MRPS33: variants seen among roughly 807,000 people sequenced by gnomAD.
MRPS33 encodes small ribosomal subunit protein mS33.
Under a neutral mutation model 11.2 loss-of-function variants are expected in MRPS33, and 11 were observed. That is an observed-to-expected ratio of 0.99 (90% CI 0.62 to 1.63). The LOEUF is 1.63. Among genes scored for constraint, MRPS33 ranks in the 40% most tolerant of loss-of-function variants. MRPS33 has a pLI of 0.00. For synonymous variants in MRPS33, 46 were observed against 44.0 expected, an observed-to-expected ratio of 1.05 and a Z score of -0.18; for missense variants, 109 against 127.8, an observed-to-expected ratio of 0.85 and a Z score of 0.71.
Position 141,003,284 on chromosome 7 carries a change from C to A in MRPS33, c.*3146G>T, listed in dbSNP as rs985498321. On this transcript the variant is annotated 3_prime_UTR_variant, in exon 3 of 3. Transcript: ENST00000324787. Reference sequence around the variant, plus strand: ...TGATTACACTTAGTCACCATCTTAACCATTGGTCACTGTTGTCCTGAAATT... The same window carrying A: ...TGATTACACTTAGTCACCATCTTAAACATTGGTCACTGTTGTCCTGAAATT... 4 of 152,156 alleles carry A rather than the reference C, an allele frequency of 2.6e-5. No individual in the cohort carries two copies. The highest frequency in any genetic ancestry group is 9.7e-5 in the African/African-American group (4 of 41,430). The allele number at this position is 152,156 out of a possible 1,614,324, so 9.4% of individuals were successfully genotyped here.
chr7:141,010,808 C>A, intron 1 of MRPS33, 148 bp from the exon 2 acceptor site: 2 of 645,428 alleles, frequency 3.1e-6, no homozygotes, highest in East Asian at 5.5e-5. Flanking sequence ...GAAGTATCCA[C>A]AGTCCAAATG....
intron 1 of MRPS33, among the ~76,000 whole-genome samples, chr7:141,013,919 G>A (rs1426621427): frequency 6.6e-6 from 1 of 152,220 alleles, no homozygotes; most frequent in Non-Finnish European, 1.5e-5. Context: ...TGAAGTGCAA[G>A]AGTTCTTAAC....
intron 2 of MRPS33, chr7:141,009,549 G>C (rs1482403213): frequency 6.6e-6 from 1 of 152,032 alleles, no homozygotes; most frequent in African/African-American, 2.4e-5. Flanking sequence ...TATCCTTAAA[G>C]GCAAACTACA....
chr7:141,012,171 G>T (rs1456517568), intron 1 of MRPS33, among the ~76,000 whole-genome samples: 1 of 5,072 alleles, frequency 2.0e-4, no homozygotes, highest in African/African-American at 7.4e-4. Context: ...AAGATTGTGT[G>T]TCAAAAAAAA....
rs750339480 is a variant in MRPS33, at chr7:141,006,541, T to A, written c.216-6A>T. On this transcript the variant is annotated splice_polypyrimidine_tract_variant and splice_region_variant and intron_variant, in intron 2 of 2. Coordinates refer to ENST00000324787, the MANE Select transcript of MRPS33 (RefSeq NM_053035.3). ...TAAAATCCTGATGCTCATCTCTGAA[T>A]GAAGAAGGAAAAAATAATTAACCAG... The A allele has an allele frequency of 6.2e-7, 1 of 1,609,632 alleles. No individual in the cohort carries two copies.
At chr7:141,014,433 A>G (rs191529632) in intron 1 of MRPS33, 5 of 152,178 alleles carry the variant, frequency 3.3e-5, no homozygotes, top group Admixed American at 2.0e-4. Flanking sequence ...ACAATCTTCA[A>G]CTCCCTCCAC....
At chr7:141,011,431 T>TA (rs1820671555) in intron 1 of MRPS33, among the ~76,000 whole-genome samples, 1 of 152,118 alleles carries the variant, frequency 6.6e-6, no homozygotes, top group Admixed American at 6.5e-5. Context: ...TTCAGAGACA[T>TA]ACAACACTGA....
intron 1 of MRPS33, among the ~76,000 whole-genome samples, chr7:141,013,814 T>G (rs1229945107): frequency 1.3e-5 from 2 of 152,228 alleles, no homozygotes; most frequent in Non-Finnish European, 2.9e-5. Flanking sequence ...CAGGGCAAAC[T>G]TCTTTGATCT....
chr7:141,012,449 T>G (rs1271141206), intron 1 of MRPS33, among the ~76,000 whole-genome samples: 1 of 152,156 alleles, frequency 6.6e-6, no homozygotes, highest in East Asian at 1.9e-4. Context: ...GGTTATAGTC[T>G]CAAGGTGAAA....
intron 1 of MRPS33, among the ~76,000 whole-genome samples, chr7:141,013,592 T>G (rs2129165255): frequency 6.6e-6 from 1 of 152,358 alleles, no homozygotes; most frequent in African/African-American, 2.4e-5. Flanking sequence ...GCATGTCAAT[T>G]ACATTTTGAT....
At chr7:141,006,582 G>GA (rs34951947) in intron 2 of MRPS33, 47 bp from the exon 3 acceptor site, 1 of 1,496,270 alleles carries the variant, frequency 6.7e-7, no homozygotes, top group Non-Finnish European at 9.3e-7. Context: ...TTTACGAGTA[G>GA]AAAAGTACAC....
chr7:141,006,346 T>C lies in MRPS33; in HGVS notation c.*84A>G. ...ATAAACTTCATTTAGGAAGATGACATTCCTCCAATAGGTGGAAAGACAATA... is the reference window on the plus strand; with the variant it reads ...ATAAACTTCATTTAGGAAGATGACACTCCTCCAATAGGTGGAAAGACAATA... On this transcript the variant is annotated 3_prime_UTR_variant, in exon 3 of 3. Transcript: ENST00000324787. The C allele has an allele frequency of 1.8e-6, 2 of 1,142,054 alleles. No homozygotes were observed. The highest frequency in any genetic ancestry group is 2.9e-4 in the Middle Eastern group (1 of 3,458). 70.7% of individuals were successfully genotyped at this position (1,142,054 alleles called of 1,614,324 possible).
chr7:141,010,223 A>G (rs1198835271), intron 2 of MRPS33, 196 bp downstream of exon 2: 11 of 581,296 alleles, frequency 1.9e-5, no homozygotes, highest in South Asian at 8.8e-5. Context: ...TCCAACAAGC[A>G]TGAATTTCCT....
intron 1 of MRPS33, 21 bp downstream of exon 1, chr7:141,014,890 C>G (rs1321595434): frequency 1.3e-5 from 2 of 152,694 alleles, no homozygotes; most frequent in South Asian, 2.1e-4. Flanking sequence ...TGCAGACCCC[C>G]AAAGTCACCG....
chr7:141,003,171 T>TTC lies in MRPS33; in HGVS notation c.*3258_*3259insGA, dbSNP rs1280583751. 6.6e-6 allele frequency: 1 copy of TTC among 152,178 alleles called. No individual in the cohort carries two copies. The highest frequency in any genetic ancestry group is 1.5e-5 in the Non-Finnish European group (1 of 68,034). 9.4% of individuals were successfully genotyped at this position (152,178 alleles called of 1,614,324 possible). ...GTCTATGCACACTGATCCCCACAGG[T>TTC]TAGAAAGCACCAATAGTTTAGGTTT... On this transcript the variant is annotated 3_prime_UTR_variant, in exon 3 of 3. Coordinates refer to ENST00000324787, the MANE Select transcript of MRPS33 (RefSeq NM_053035.3).
rs1172720777 is a variant in MRPS33, at chr7:141,006,460, T to G, written c.291A>C (p.Gly97=). 7.4e-6 allele frequency: 12 copies of G among 1,613,694 alleles called. No homozygotes were observed. The highest frequency in any genetic ancestry group is 1.0e-5 in the Non-Finnish European group (12 of 1,180,014). ...KLRGKEKPKK[G]EGKRAAKRK ...TCCTTTTTGCTGCTCTTTTCCCTTC[T>G]CCTTTCTTTGGTTTCTCCTTTCCAC... is the stretch of plus-strand genomic sequence containing the variant. Residue 97 remains glycine, a synonymous_variant, in exon 3 of 3, where the codon GGA becomes GGC. Coordinates refer to ENST00000324787, the MANE Select transcript of MRPS33 (RefSeq NM_053035.3).
At chr7:141,006,945 G>A (rs1347020585) in intron 2 of MRPS33, among the ~76,000 whole-genome samples, 1 of 152,188 alleles carries the variant, frequency 6.6e-6, no homozygotes, top group Non-Finnish European at 1.5e-5. Flanking sequence ...CATCTACTCA[G>A]AATGGGGTGA....
Position 141,004,255 on chromosome 7 carries a change from G to A in MRPS33, c.*2175C>T, listed in dbSNP as rs942889766. On this transcript the variant is annotated 3_prime_UTR_variant, in exon 3 of 3. Transcript: ENST00000324787. Reference sequence around the variant, plus strand: ...GTGGAGCTTGCAGTGAGCTGAGATTGCGCCACTGCACTCCAGCTGGTGAGA... The same window carrying A: ...GTGGAGCTTGCAGTGAGCTGAGATTACGCCACTGCACTCCAGCTGGTGAGA... The A allele has an allele frequency of 6.6e-6, 1 of 152,162 alleles. No individual in the cohort carries two copies. Among genetic ancestry groups the A allele is most frequent in the African/African-American group, 2.4e-5 (1 of 41,416 alleles). 9.4% of individuals were successfully genotyped at this position (152,162 alleles called of 1,614,324 possible).
chr7:141,009,693 G>A (rs957866807), intron 2 of MRPS33: 1 of 152,172 alleles, frequency 6.6e-6, no homozygotes, highest in African/African-American at 2.4e-5. Context: ...CAGCAGATCA[G>A]GTGTCGGTCA....
Sources: gnomAD v4.1 joint callset for allele counts (sites outside exome capture counted in the v4.1 genomes callset) on GRCh38, gnomAD v4.1.1 for gene constraint, MANE v1.5 for transcripts, NCBI Gene and HGNC (gene_info 2026-07-23, HGNC 2026-07-21) for gene names.